Variants in ARHGAP21 observed in about 807,000 individuals in gnomAD.
The protein encoded by ARHGAP21 is Rho GTPase activating protein 21.
Under a neutral mutation model 164.6 loss-of-function variants are expected in ARHGAP21, and 38 were observed. The ratio of observed to expected loss-of-function variants is 0.23; its 90% confidence interval spans 0.18 to 0.30. The LOEUF (loss-of-function observed/expected upper bound fraction) is 0.30. Among genes scored for constraint, ARHGAP21 ranks in the 10% least tolerant of loss-of-function variants. The probability of loss-of-function intolerance (pLI) is 1.00; values close to 1 mark genes in which losing one functional copy is unlikely to be tolerated. For synonymous variants in ARHGAP21, 766 were observed against 857.9 expected, an observed-to-expected ratio of 0.89 and a Z score of 1.87; for missense variants, 1,822 against 2,370.7, an observed-to-expected ratio of 0.77 and a Z score of 4.81.
chr10:24,607,625 T>G (rs1196690933), intron 10 of ARHGAP21, 24 bp from the exon 11 acceptor site: 1 of 1,612,342 alleles, frequency 6.2e-7, no homozygotes, highest in Admixed American at 1.7e-5. Context: ...AAATCCAATA[T>G]TTAGACATTC....
chr10:24,639,323 T>C (rs190738406), intron 4 of ARHGAP21, among the ~76,000 whole-genome samples: 133 of 152,340 alleles, frequency 8.7e-4, no homozygotes, highest in Middle Eastern at 3.4e-3. Flanking sequence ...ATGATTTGTA[T>C]GTGCCCCCAG....
intron 21 of ARHGAP21, among the ~76,000 whole-genome samples, chr10:24,594,680 A>G (rs950558058): frequency 2.0e-5 from 3 of 152,194 alleles, no homozygotes; most frequent in Admixed American, 6.5e-5. Flanking sequence ...AAATATTGAT[A>G]TACAGCTAAA....
At chr10:24,697,796 G>A (rs1376641142) in intron 2 of ARHGAP21, among the ~76,000 whole-genome samples, 1 of 151,954 alleles carries the variant, frequency 6.6e-6, no homozygotes, top group Non-Finnish European at 1.5e-5. Context: ...AGAGGCAGAG[G>A]TTGCAGTGAG....
chr10:24,617,594 T>C (rs1834079967), intron 9 of ARHGAP21, among the ~76,000 whole-genome samples: 1 of 152,010 alleles, frequency 6.6e-6, no homozygotes, highest in Non-Finnish European at 1.5e-5. Context: ...GTTGACAACT[T>C]GAATATATCC....
At chr10:24,681,136 T>C (rs1841718850) in intron 2 of ARHGAP21, among the ~76,000 whole-genome samples, 1 of 152,024 alleles carries the variant, frequency 6.6e-6, no homozygotes, top group South Asian at 2.1e-4. Context: ...ATAAAGGTGA[T>C]AAAAACCTCA....
rs1845314256 is a variant in ARHGAP21 at position 24,715,772 on chromosome 10, A to AT, written c.63+6064dup. Among the ~76,000 whole-genome samples, 3 of 152,026 alleles carry AT rather than the reference A, an allele frequency of 2.0e-5. No homozygotes were observed. In the South Asian group the frequency reaches 6.2e-4, roughly 32 times the overall value. ...CCTGTAATTCCAGCACTTTGGGAGGATGAGGTGGGTGGATCACTTTGAGAT... is the reference window on the plus strand; with the variant it reads ...CCTGTAATTCCAGCACTTTGGGAGGATTGAGGTGGGTGGATCACTTTGAGAT... On this transcript the variant is annotated intron_variant, in intron 2 of 25. Transcript: ENST00000396432.
rs375816462 is a variant in ARHGAP21 at position 24,591,665 on chromosome 10, C to G, written c.4021G>C (p.Glu1341Gln). The G allele has an allele frequency of 8.7e-6, 14 of 1,613,972 alleles. No individual in the cohort carries two copies. In the African/African-American group the frequency reaches 1.7e-4, roughly 20 times the overall value. Residue 1341 changes from glutamate (E) to glutamine (Q), a missense_variant, in exon 23 of 26, where the codon GAA (glutamate) becomes CAA (glutamine). Glu to Gln is a conservative substitution (Grantham distance 29). Coordinates refer to ENST00000396432, the MANE Select transcript of ARHGAP21 (RefSeq NM_020824.4). ...ACAAGAGGCTCTTCAGCACCTTCTTCTGTGAAAAACCAGTCATGCTAAAAT... is the reference window on the plus strand; with the variant it reads ...ACAAGAGGCTCTTCAGCACCTTCTTGTGTGAAAAACCAGTCATGCTAAAAT... ...LIQHHDWFFT[E>Q]EGAEEPLTTV...
At chr10:24,655,711 C>G (rs1316787484) in intron 4 of ARHGAP21, among the ~76,000 whole-genome samples, 1 of 140,544 alleles carries the variant, frequency 7.1e-6, no homozygotes, top group Non-Finnish European at 1.5e-5. Context: ...TGCCTGGCTG[C>G]CCAGTCTGGA....
chr10:24,717,670 G>C (rs370746169), intron 2 of ARHGAP21, among the ~76,000 whole-genome samples: 1 of 152,052 alleles, frequency 6.6e-6, no homozygotes, highest in African/African-American at 2.4e-5. Flanking sequence ...ACAGAAGCGC[G>C]GACCAAATTA....
chr10:24,689,077 A>G (rs1842474212), intron 2 of ARHGAP21, among the ~76,000 whole-genome samples: 1 of 152,150 alleles, frequency 6.6e-6, no homozygotes, highest in Non-Finnish European at 1.5e-5. Context: ...TTAAAATCAT[A>G]GATCTAGTTG....
intron 16 of ARHGAP21, 92 bp downstream of exon 16, chr10:24,597,355 G>T: frequency 2.0e-6 from 3 of 1,482,932 alleles, no homozygotes; most frequent in South Asian, 2.7e-5. Flanking sequence ...ATGGGGCCTG[G>T]TCAGTAGAAA....
chr10:24,585,499 G>C lies in ARHGAP21; in HGVS notation c.4790C>G (p.Thr1597Ser). The change falls in exon 26 of 26, where the codon ACT (threonine) becomes AGT (serine). Residue 1597 changes from threonine to serine, a missense_variant. Coordinates refer to ENST00000396432, the MANE Select transcript of ARHGAP21 (RefSeq NM_020824.4). The stretch of plus-strand genomic sequence containing the variant: ...GCTCAGTCGACTGGAGTCCAGGCTA[G>C]TCAAGTATGTAGCAGACGATGTGGT... Reference protein sequence around the residue: ...YSTTSSATYLTSLDSSRLSPE... With the variant: ...YSTTSSATYLSSLDSSRLSPE... 6.2e-7 allele frequency: 1 copy of C among 1,614,194 alleles called. No individual in the cohort carries two copies. The highest frequency in any genetic ancestry group is 8.5e-7 in the Non-Finnish European group (1 of 1,180,056).
At chr10:24,665,478 G>A (rs1373884393) in intron 4 of ARHGAP21, among the ~76,000 whole-genome samples, 3 of 151,962 alleles carry the variant, frequency 2.0e-5, no homozygotes, top group Non-Finnish European at 4.4e-5. Flanking sequence ...ATACAGTGAA[G>A]GTCAAAAATA....
At chr10:24,666,507 T>C (rs1840213599) in intron 4 of ARHGAP21, among the ~76,000 whole-genome samples, 1 of 152,240 alleles carries the variant, frequency 6.6e-6, no homozygotes, top group East Asian at 1.9e-4. Flanking sequence ...AAATCAGTTA[T>C]TAAGAAATAA....
intron 2 of ARHGAP21, among the ~76,000 whole-genome samples, chr10:24,700,034 A>G (rs1481465318): frequency 6.6e-6 from 1 of 152,094 alleles, no homozygotes; most frequent in Non-Finnish European, 1.5e-5. Context: ...GCAATTCTGA[A>G]GCTTAGGTCA....
At chr10:24,598,339 C>T (rs937091201) in intron 14 of ARHGAP21, among the ~76,000 whole-genome samples, 2 of 152,068 alleles carry the variant, frequency 1.3e-5, no homozygotes, top group African/African-American at 4.8e-5. Context: ...TTCTCTAATA[C>T]CAGAAAGAAT....
chr10:24,595,028 C>T lies in ARHGAP21; in HGVS notation c.3798G>A (p.Leu1266=). 6.2e-7 allele frequency: 1 copy of T among 1,612,852 alleles called. No individual in the cohort carries two copies. The highest frequency in any genetic ancestry group is 8.5e-7 in the Non-Finnish European group (1 of 1,179,206). Reference sequence around the variant, plus strand: ...TAAGTGTTTCATAATGATGTTCAGGCAAATCGTGAATCTGAAACAGATTAT... The same window carrying T: ...TAAGTGTTTCATAATGATGTTCAGGTAAATCGTGAATCTGAAACAGATTAT... ...LKTLKRLIHD[L]PEHHYETLKF... Residue 1266 remains leucine, a synonymous_variant, in exon 21 of 26, where the codon TTG becomes TTA. Coordinates refer to ENST00000396432, the MANE Select transcript of ARHGAP21 (RefSeq NM_020824.4).
intron 2 of ARHGAP21, among the ~76,000 whole-genome samples, chr10:24,702,657 GT>G (rs1469467680): frequency 7.9e-5 from 12 of 151,862 alleles, no homozygotes; most frequent in African/African-American, 2.9e-4. Context: ...CAGAATCTCG[GT>G]TCACTGCAAC....
At chr10:24,723,235 G>T (rs1846109344) in intron 1 of ARHGAP21, 1 of 151,238 alleles carries the variant, frequency 6.6e-6, no homozygotes, top group East Asian at 2.0e-4. Flanking sequence ...GCCGGGCCCG[G>T]CCGGGACGCG....
Sources: gnomAD v4.1 joint callset for allele counts (sites outside exome capture counted in the v4.1 genomes callset) on GRCh38, gnomAD v4.1.1 for gene constraint, MANE v1.5 for transcripts, NCBI Gene and HGNC (gene_info 2026-07-23, HGNC 2026-07-21) for gene names.